The following LGR5 variants were observed in gnomAD, a reference collection of about 807,000 sequenced individuals.
LGR5 encodes leucine rich repeat containing G protein-coupled receptor 5.
LGR5 carries 54 observed loss-of-function variants against 76.7 expected under a neutral mutation model. The ratio of observed to expected loss-of-function variants is 0.70; its 90% CI spans 0.57 to 0.88. The LOEUF is 0.88. Among genes scored for constraint, LGR5 ranks in the 40% least tolerant of loss-of-function variants. The probability of loss-of-function intolerance (pLI) is 0.00; values close to 1 mark genes in which losing one functional copy is unlikely to be tolerated. For synonymous variants in LGR5, 406 were observed against 421.9 expected (o/e 0.96, Z 0.46); for missense variants, 1,078 against 1,073.3 (o/e 1.00, Z -0.06).
At chr12:71,519,340 C>T (rs1875609775) in intron 2 of LGR5, among the ~76,000 whole-genome samples, 1 of 152,198 alleles carries the variant, frequency 6.6e-6, no homozygotes, top group Admixed American at 6.5e-5. Context: ...CCACCCATTG[C>T]TCTCTATCCC....
chr12:71,480,378 A>G lies in LGR5; in HGVS notation c.213-24236A>G, dbSNP rs574140465. On this transcript the variant is annotated intron_variant, in intron 1 of 17. Coordinates refer to ENST00000266674, the MANE Select transcript of LGR5 (RefSeq NM_003667.4). ...TCTGTCTCAAAAAAAAAAAAAAAAA[A>G]AGAGAATGAGGAACAAGTGGGATGA... 1.4e-3 allele frequency among the ~76,000 whole-genome samples: 213 copies of G among 149,080 alleles called. 1 individual carries two copies. Among genetic ancestry groups the G allele is most frequent in the East Asian group, 6.6e-3 (34 of 5,148 alleles).
chr12:71,518,481 C>T (rs116897075), intron 2 of LGR5, among the ~76,000 whole-genome samples: 2,253 of 152,272 alleles, frequency 0.015, 27 homozygotes, highest in Non-Finnish European at 0.023. Flanking sequence ...CCATTCGACC[C>T]AGCAATACAT....
At chr12:71,449,204 TAGA>T (rs1312934442) in intron 1 of LGR5, among the ~76,000 whole-genome samples, 1 of 152,148 alleles carries the variant, frequency 6.6e-6, no homozygotes, top group Non-Finnish European at 1.5e-5. Context: ...GGCGTCAAAC[TAGA>T]AGATGAAGGG....
chr12:71,556,733 A>G (rs2137420318), intron 6 of LGR5, 43 bp downstream of exon 6: 2 of 1,450,726 alleles, frequency 1.4e-6, no homozygotes, highest in Non-Finnish European at 1.9e-6. Context: ...CAGTATTTTC[A>G]TGAATATTCT....
chr12:71,525,591 A>G (rs1875958659), intron 3 of LGR5, among the ~76,000 whole-genome samples: 1 of 151,942 alleles, frequency 6.6e-6, no homozygotes, highest in South Asian at 2.1e-4. Flanking sequence ...TAGATAAGAC[A>G]ACTAAAGTGA....
At chr12:71,577,283 TC>T (rs934007676) in intron 13 of LGR5, among the ~76,000 whole-genome samples, 3 of 152,236 alleles carry the variant, frequency 2.0e-5, no homozygotes, top group Admixed American at 2.0e-4. Context: ...AATGCTTTAC[TC>T]CTACTTAATT....
chr12:71,468,975 T>C (rs1194813440), intron 1 of LGR5, among the ~76,000 whole-genome samples: 1 of 152,174 alleles, frequency 6.6e-6, no homozygotes, highest in African/African-American at 2.4e-5. Context: ...ATATTAAAAG[T>C]GTAATGTCAC....
chr12:71,528,327 G>T (rs888942339), intron 3 of LGR5, among the ~76,000 whole-genome samples: 3 of 152,008 alleles, frequency 2.0e-5, no homozygotes, highest in Admixed American at 6.6e-5. Context: ...GCATGGTGGC[G>T]AACACCTGTG....
Position 71,553,205 on chromosome 12 carries a change from A to G in LGR5, c.561A>G (p.Ala187=). 1.2e-6 allele frequency: 2 copies of G among 1,614,028 alleles called. No homozygotes were observed. Among genetic ancestry groups the G allele is most frequent in the Non-Finnish European group, 1.7e-6 (2 of 1,180,018 alleles). The change falls in exon 5 of 18, where the codon GCA becomes GCG. Residue 187 remains alanine (A), a synonymous_variant. Transcript: ENST00000266674. ...TCCAGGCTTTTAGAAGTTTATCGGC[A>G]TTGCAAGCCATGACCTTGGCCCTGA... is the stretch of plus-strand genomic sequence containing the variant. ...IPVQAFRSLS[A]LQAMTLALNK... is the part of the protein sequence containing the mutation.
chr12:71,470,102 A>C (rs559059282), intron 1 of LGR5, among the ~76,000 whole-genome samples: 1 of 152,260 alleles, frequency 6.6e-6, no homozygotes, highest in East Asian at 1.9e-4. Flanking sequence ...TATCCATACC[A>C]CCAGCAGTAT....
chr12:71,513,878 T>G (rs771340324), intron 2 of LGR5, among the ~76,000 whole-genome samples: 7 of 152,334 alleles, frequency 4.6e-5, no homozygotes, highest in Non-Finnish European at 1.0e-4. Flanking sequence ...TATGGCCAGC[T>G]GCCTTTGGAA....
chr12:71,554,030 C>T (rs1877635108), intron 5 of LGR5, among the ~76,000 whole-genome samples: 2 of 151,950 alleles, frequency 1.3e-5, no homozygotes, highest in Non-Finnish European at 2.9e-5. Context: ...TGCAGTGAGC[C>T]AAGATTGTGC....
chr12:71,544,320 T>C (rs1229770299), intron 4 of LGR5, among the ~76,000 whole-genome samples: 1 of 148,398 alleles, frequency 6.7e-6, no homozygotes, highest in Non-Finnish European at 1.5e-5. Flanking sequence ...CTTCTTCTTT[T>C]TTTTTTTTTT....
At position 71,440,203 on chromosome 12, in the gene LGR5, G is replaced by A; in HGVS notation, c.123G>A (p.Glu41=). The change falls in exon 1 of 18, where the codon GAG becomes GAA. Residue 41 remains glutamate (E), a synonymous_variant. Transcript: ENST00000266674. This position sits in a 1 kb window ranked among gnomAD's most constrained non-coding sequence, Gnocchi z 5.3. ...LRGCPTHCHC[E]PDGRMLLRVD... ...GCTGCCCCACACACTGTCATTGCGA[G>A]CCCGACGGCAGGATGTTGCTCAGGG... The A allele has an allele frequency of 6.2e-7, 1 of 1,612,880 alleles. No individual in the cohort carries two copies. The highest frequency in any genetic ancestry group is 1.3e-5 in the African/African-American group (1 of 75,042).
chr12:71,450,266 G>A (rs960626770), intron 1 of LGR5, among the ~76,000 whole-genome samples: 12 of 152,142 alleles, frequency 7.9e-5, no homozygotes, highest in South Asian at 2.1e-4. Flanking sequence ...CAAATAGCCC[G>A]TTGTTTACAC....
chr12:71,525,389 A>T (rs1259057549), intron 3 of LGR5, among the ~76,000 whole-genome samples: 1 of 149,556 alleles, frequency 6.7e-6, no homozygotes, highest in African/African-American at 2.5e-5. Context: ...CTCTCTTTGA[A>T]TTTTTTTCTT....
At chr12:71,485,959 G>A (rs1176951619) in intron 1 of LGR5, among the ~76,000 whole-genome samples, 1 of 151,840 alleles carries the variant, frequency 6.6e-6, no homozygotes, top group Non-Finnish European at 1.5e-5. Flanking sequence ...TAGAGACAGG[G>A]TTTACTATGT....
At chr12:71,537,328 G>T (rs747920562) in intron 4 of LGR5, among the ~76,000 whole-genome samples, 1 of 152,026 alleles carries the variant, frequency 6.6e-6, no homozygotes, top group African/African-American at 2.4e-5. Context: ...ACTTAGCTAG[G>T]TGTGGTGACA....
intron 1 of LGR5, among the ~76,000 whole-genome samples, chr12:71,469,019 G>T (rs1271154865): frequency 6.6e-6 from 1 of 152,062 alleles, no homozygotes. Context: ...CTTTCTAAAT[G>T]TGTTTAGATT....
Sources: allele counts gnomAD v4.1 joint callset (sites outside exome capture counted in the v4.1 genomes callset), GRCh38; gene constraint gnomAD v4.1.1; non-coding constraint Gnocchi (gnomAD v3.1); transcripts MANE v1.5; gene names NCBI Gene and HGNC (gene_info 2026-07-23, HGNC 2026-07-21).